MDGA2: variants seen among roughly 807,000 people sequenced by gnomAD.
MDGA2 encodes MAM domain-containing glycosylphosphatidylinositol anchor protein 2.
In MDGA2, 40 loss-of-function variants were observed where a neutral mutation model predicts 117.8. That is an observed-to-expected ratio of 0.34 (90% CI 0.26 to 0.44). The LOEUF is 0.44. Ranked by LOEUF, MDGA2 falls within the 20% of genes least tolerant of loss-of-function variation. The pLI is 1.00. For missense variants in MDGA2, 1,123 were observed against 1,250.6 expected (o/e 0.90, Z 1.54); for synonymous variants, 452 against 439.0 (o/e 1.03, Z -0.37).
intron 2 of MDGA2, among the ~76,000 whole-genome samples, chr14:47,298,482 C>T (rs17739532): frequency 0.091 from 13,848 of 152,014 alleles, 771 homozygotes; most frequent in Non-Finnish European, 0.11. Flanking sequence ...TCTTCCACTG[C>T]ATTTCCAACT....
chr14:47,642,680 C>T (rs965118138), intron 1 of MDGA2, among the ~76,000 whole-genome samples: 2 of 151,918 alleles, frequency 1.3e-5, no homozygotes, highest in African/African-American at 4.8e-5. Context: ...TATCATCTAT[C>T]CATCTCTAGA....
chr14:47,112,490 A>G (rs1186058020), intron 5 of MDGA2, among the ~76,000 whole-genome samples: 3 of 152,158 alleles, frequency 2.0e-5, no homozygotes, highest in African/African-American at 7.2e-5. Flanking sequence ...AAGTAAGAAC[A>G]TGCAGTATTT....
chr14:47,029,990 G>A (rs1271106459), intron 8 of MDGA2, among the ~76,000 whole-genome samples: 1 of 151,666 alleles, frequency 6.6e-6, no homozygotes, highest in Non-Finnish European at 1.5e-5. Flanking sequence ...ACCACAGCCA[G>A]CTAATTTTTG....
At chr14:47,418,053 A>T in intron 1 of MDGA2, among the ~76,000 whole-genome samples, 1 of 151,972 alleles carries the variant, frequency 6.6e-6, no homozygotes, top group South Asian at 2.1e-4. Flanking sequence ...GGCTGCTATA[A>T]AAATTAGGGT....
At chr14:47,118,453 C>G (rs1380106822) in intron 5 of MDGA2, among the ~76,000 whole-genome samples, 1 of 152,154 alleles carries the variant, frequency 6.6e-6, no homozygotes, top group Admixed American at 6.5e-5. Flanking sequence ...CACTTCCTCT[C>G]TGTCAATATT....
intron 1 of MDGA2, among the ~76,000 whole-genome samples, chr14:47,332,005 T>C (rs1460830541): frequency 6.6e-6 from 1 of 152,050 alleles, no homozygotes; most frequent in Non-Finnish European, 1.5e-5. Flanking sequence ...TAGGAAATTA[T>C]ATCCAGTTAT....
chr14:46,944,905 T>C (rs1336256356), intron 9 of MDGA2, among the ~76,000 whole-genome samples: 1 of 152,110 alleles, frequency 6.6e-6, no homozygotes, highest in African/African-American at 2.4e-5. Flanking sequence ...TCATAATAGC[T>C]ACCTGAAGCT....
chr14:47,314,553 C>G (rs1361313630), intron 1 of MDGA2, among the ~76,000 whole-genome samples: 2 of 151,944 alleles, frequency 1.3e-5, no homozygotes, highest in African/African-American at 4.8e-5. Flanking sequence ...TGGCATGAGC[C>G]TGTATCCCTA....
chr14:47,072,149 T>C (rs1443831804), intron 6 of MDGA2, among the ~76,000 whole-genome samples: 1 of 137,132 alleles, frequency 7.3e-6, no homozygotes, highest in African/African-American at 2.7e-5. Context: ...TACATGAAAA[T>C]GTATTCATTA....
At chr14:47,397,130 A>G (rs1175692197) in intron 1 of MDGA2, among the ~76,000 whole-genome samples, 13 of 152,210 alleles carry the variant, frequency 8.5e-5, no homozygotes, top group Non-Finnish European at 1.9e-4. Flanking sequence ...GCACATATTC[A>G]CCATGGAATA....
chr14:46,921,654 A>C (rs1884137592), intron 9 of MDGA2, among the ~76,000 whole-genome samples: 1 of 151,982 alleles, frequency 6.6e-6, no homozygotes, highest in African/African-American at 2.4e-5. Flanking sequence ...GAAAAGTCTC[A>C]AATGAGAGGA....
chr14:46,940,291 A>G (rs1484123495), intron 9 of MDGA2, among the ~76,000 whole-genome samples: 1 of 152,222 alleles, frequency 6.6e-6, no homozygotes, highest in South Asian at 2.1e-4. Context: ...TAAGCTGCAT[A>G]TAAATGTATT....
intron 12 of MDGA2, among the ~76,000 whole-genome samples, chr14:46,876,723 C>G (rs908443353): frequency 3.3e-5 from 5 of 151,314 alleles, no homozygotes; most frequent in Non-Finnish European, 7.4e-5. Flanking sequence ...AACTCAGGAA[C>G]AAGAATCCTG....
intron 6 of MDGA2, among the ~76,000 whole-genome samples, chr14:47,072,325 C>T (rs17118017): frequency 0.099 from 14,991 of 152,032 alleles, 858 homozygotes; most frequent in African/African-American, 0.16. Context: ...TTTTTAAGTG[C>T]AAAATCTGTG....
At chr14:47,375,759 C>A (rs553250075) in intron 1 of MDGA2, among the ~76,000 whole-genome samples, 1 of 152,104 alleles carries the variant, frequency 6.6e-6, no homozygotes, top group East Asian at 1.9e-4. Context: ...TTAGAGTTTA[C>A]AATGTAACTA....
intron 10 of MDGA2, among the ~76,000 whole-genome samples, chr14:46,912,533 CAT>C (rs1429052892): frequency 2.6e-5 from 4 of 152,190 alleles, no homozygotes; most frequent in Non-Finnish European, 4.4e-5. Flanking sequence ...AACAAGTCCA[CAT>C]GTGAAAATAT....
intron 1 of MDGA2, among the ~76,000 whole-genome samples, chr14:47,392,188 C>T (rs1459174336): frequency 1.3e-5 from 2 of 151,938 alleles, no homozygotes; most frequent in African/African-American, 4.8e-5. Context: ...TAAATAACAT[C>T]GTTTAAGGTG....
intron 3 of MDGA2, among the ~76,000 whole-genome samples, chr14:47,189,018 C>A (rs1191859198): frequency 6.6e-6 from 1 of 152,146 alleles, no homozygotes; most frequent in Non-Finnish European, 1.5e-5. Flanking sequence ...TCTAAGCAGT[C>A]CTTAGAAACA....
chr14:47,306,980 T>C (rs61993086), intron 1 of MDGA2, among the ~76,000 whole-genome samples: 42,679 of 152,116 alleles, frequency 0.28, 6,799 homozygotes, highest in Admixed American at 0.47. Context: ...TCTGTTTTGC[T>C]TGTAAAGCAA....
Sources: gnomAD v4.1 joint callset for allele counts (sites outside exome capture counted in the v4.1 genomes callset) on GRCh38, gnomAD v4.1.1 for gene constraint, MANE v1.5 for transcripts, NCBI Gene and HGNC (gene_info 2026-07-23, HGNC 2026-07-21) for gene names.